The following SLC26A3 variants were observed in gnomAD, a reference collection of about 807,000 sequenced individuals.
SLC26A3 encodes the protein solute carrier family 26 member 3.
In SLC26A3, 64 loss-of-function variants were observed where a neutral mutation model predicts 85.6. That is an observed-to-expected ratio of 0.75 (90% confidence interval 0.61 to 0.92). The LOEUF (loss-of-function observed/expected upper bound fraction) is 0.92. SLC26A3 is among the 40% of genes least tolerant of loss of function. SLC26A3 has a pLI of 0.00. For missense variants in SLC26A3, 922 were observed against 927.3 expected (o/e 0.99, Z 0.07); for synonymous variants, 349 against 336.0 (o/e 1.04, Z -0.42).
rs769410426 is a variant in SLC26A3, at chr7:107,787,493, A to T, written c.752T>A (p.Phe251Tyr). The T allele has an allele frequency of 3.1e-6, 5 of 1,613,636 alleles. No homozygotes were observed. In the South Asian group the frequency reaches 5.5e-5, roughly 18 times the overall value. The change falls in exon 7 of 21, where the codon TTC (phenylalanine) becomes TAC (tyrosine). Residue 251 changes from phenylalanine to tyrosine, a missense_variant. Coordinates refer to ENST00000340010, the MANE Select transcript of SLC26A3 (RefSeq NM_000111.3). ...AATATTAGTCTTCTCTATTTGTGAG[A>T]ATACAGAGTATAGTACCTACAATTA... is the stretch of plus-strand genomic sequence containing the variant. ...VSIFKVLYSV[F>Y]SQIEKTNIAD... is the part of the protein sequence containing the mutation.
intron 3 of SLC26A3, among the ~76,000 whole-genome samples, chr7:107,792,224 G>A (rs914824618): frequency 6.6e-6 from 1 of 152,178 alleles, no homozygotes; most frequent in Non-Finnish European, 1.5e-5. Context: ...TGGTTTTGTG[G>A]AAGGTAATTT....
intron 7 of SLC26A3, 96 bp from the exon 8 acceptor site, chr7:107,787,005 T>G: frequency 9.6e-7 from 1 of 1,039,874 alleles, no homozygotes; most frequent in Non-Finnish European, 1.5e-6. Flanking sequence ...CTTCTGTACC[T>G]GTTAAGTAAG....
At chr7:107,773,113 C>T (rs1382040211) in intron 17 of SLC26A3, among the ~76,000 whole-genome samples, 1 of 152,146 alleles carries the variant, frequency 6.6e-6, no homozygotes, top group Non-Finnish European at 1.5e-5. Flanking sequence ...AAACACACTG[C>T]AATCTGATTG....
At position 107,773,632 on chromosome 7, in the gene SLC26A3, T is replaced by C. The variant is rs1794061180; in HGVS notation, c.2007+288A>G. ...GTGGTGCAATTTCGGCTCACTGCAATTGCCACCTCCCAGGTTCAAGCTATT... is the reference window on the plus strand; with the variant it reads ...GTGGTGCAATTTCGGCTCACTGCAACTGCCACCTCCCAGGTTCAAGCTATT... On this transcript the variant is annotated intron_variant, in intron 17 of 20. Transcript: ENST00000340010. Among the ~76,000 whole-genome samples, 4 of 152,304 alleles carry C rather than the reference T, an allele frequency of 2.6e-5. No homozygotes were observed. In the South Asian group the frequency reaches 8.3e-4, roughly 32 times the overall value.
At position 107,794,367 on chromosome 7, in the gene SLC26A3, A is replaced by T; in HGVS notation, c.131+12T>A. On this transcript the variant is annotated intron_variant, in intron 2 of 20. Coordinates refer to ENST00000340010, the MANE Select transcript of SLC26A3 (RefSeq NM_000111.3). ...TGTATTCCTAATGCCAATACCTTAA[A>T]AAATATCTTACCTACAACACACTTT... 3 of 1,613,814 alleles carry T rather than the reference A, an allele frequency of 1.9e-6. No individual in the cohort carries two copies. Among genetic ancestry groups the T allele is most frequent in the Non-Finnish European group, 2.5e-6 (3 of 1,179,834 alleles).
chr7:107,766,640 G>C (rs1314743711), intron 20 of SLC26A3, among the ~76,000 whole-genome samples: 1 of 152,038 alleles, frequency 6.6e-6, no homozygotes, highest in Non-Finnish European at 1.5e-5. Flanking sequence ...ATTTTGACTA[G>C]AAATTCCTTT....
intron 1 of SLC26A3, among the ~76,000 whole-genome samples, chr7:107,800,516 T>C (rs1794581272): frequency 6.6e-6 from 1 of 152,274 alleles, no homozygotes; most frequent in Admixed American, 6.5e-5. Flanking sequence ...TTCTTGTAAG[T>C]ACCTTGTATA....
Position 107,773,782 on chromosome 7 carries a change from C to T in SLC26A3, c.2007+138G>A. ...GCCAGGCTGGTCTCGAAGTCCTGAC[C>T]TCAGGTGATCCACCCACCTCGGCCT... On this transcript the variant is annotated intron_variant, in intron 17 of 20. Coordinates refer to ENST00000340010, the MANE Select transcript of SLC26A3 (RefSeq NM_000111.3). 4.1e-6 allele frequency: 3 copies of T among 726,230 alleles called. No homozygotes were observed. The South Asian group carries it at 4.6e-5, about 11-fold the overall frequency. 45.0% of individuals were successfully genotyped at this position (726,230 alleles called of 1,614,324 possible).
At position 107,776,684 on chromosome 7, in the gene SLC26A3, T is replaced by C. The variant is rs1286525771; in HGVS notation, c.1537A>G (p.Asn513Asp). Residue 513 changes from asparagine to aspartate, a missense_variant, in exon 14 of 21, where the codon AAT (asparagine) becomes GAT (aspartate). Physicochemically the swap from Asn to Asp is conservative, Grantham distance 23. Transcript: ENST00000340010. ...TQFPKCSTLA[N>D]IGRTNIYKNK... ...TTATAGATGTTGGTTCTTCCAATAT[T>C]AGCCAGCGTGCTGCATTTTGGACTG... The C allele has an allele frequency of 3.7e-6, 6 of 1,613,806 alleles. No individual in the cohort carries two copies. The highest frequency in any genetic ancestry group is 5.1e-6 in the Non-Finnish European group (6 of 1,179,926).
At chr7:107,782,772 A>C in intron 11 of SLC26A3, 25 bp downstream of exon 11, 1 of 1,604,508 alleles carries the variant, frequency 6.2e-7, no homozygotes, top group South Asian at 1.1e-5. Context: ...CTAAAAGTAG[A>C]GATGCTATCC....
Position 107,773,931 on chromosome 7 carries a change from C to A in SLC26A3, c.1996G>T (p.Gly666Cys). The change falls in exon 17 of 21, where the codon GGC becomes TGC. Residue 666 changes from glycine (G) to cysteine (C), a missense_variant. Coordinates refer to ENST00000340010, the MANE Select transcript of SLC26A3 (RefSeq NM_000111.3). ...AACAAAGAAATTACCGATTTAAGGC[C>A]CCTCACTGAAGAAACATCAAGAAAG... ...VSFLDVSSVR[G>C]LKSILQEFIR... is the part of the protein sequence containing the mutation. The A allele has an allele frequency of 3.1e-6, 5 of 1,612,422 alleles. No homozygotes were observed. Among genetic ancestry groups the A allele is most frequent in the Non-Finnish European group, 4.2e-6 (5 of 1,178,544 alleles).
intron 15 of SLC26A3, chr7:107,776,195 T>C: frequency 2.0e-6 from 1 of 497,242 alleles, no homozygotes; most frequent in East Asian, 3.6e-5. Flanking sequence ...GGTAAATTTC[T>C]TTTACTCTAC....
intron 11 of SLC26A3, among the ~76,000 whole-genome samples, chr7:107,780,364 GTA>G (rs1019489533): frequency 7.2e-5 from 11 of 152,198 alleles, no homozygotes; most frequent in African/African-American, 2.4e-4. Flanking sequence ...TCCCAGGCCA[GTA>G]CTAATCCCTA....
Position 107,793,781 on chromosome 7 carries a change from C to T in SLC26A3, c.232G>A (p.Val78Ile). The T allele has an allele frequency of 6.2e-7, 1 of 1,614,114 alleles. No individual in the cohort carries two copies. The change falls in exon 3 of 21, where the codon GTT becomes ATT. Residue 78 changes from valine (V) to isoleucine (I), a missense_variant. Coordinates refer to ENST00000340010, the MANE Select transcript of SLC26A3 (RefSeq NM_000111.3). ...RLKEWLLSDI[V>I]SGISTGIVAV... ...ACAATCCCTGTGCTGATACCAGAAA[C>T]AATATCACTGAGCAACCATTCTTTA...
At chr7:107,800,911 G>A (rs1032480711) in intron 1 of SLC26A3, among the ~76,000 whole-genome samples, 7 of 152,222 alleles carry the variant, frequency 4.6e-5, no homozygotes, top group African/African-American at 1.4e-4. Context: ...AGCAAATCAT[G>A]TGAAAGGTTA....
In SLC26A3 at chr7:107,783,465, G is replaced by C. The variant is rs181941492; in HGVS notation, c.972-113C>G. The C allele has an allele frequency of 1.4e-5, 18 of 1,277,862 alleles. 1 individual carries two copies. The Admixed American group carries it at 2.1e-4, about 15-fold the overall frequency. The allele number at this position is 1,277,862 out of a possible 1,614,324, so 79.2% of individuals were successfully genotyped here. A position where few individuals can be genotyped will look rare whatever the true frequency, so the allele number is the denominator to read the frequency against. On this transcript the variant is annotated intron_variant, in intron 8 of 20. Transcript: ENST00000340010. Reference sequence around the variant, plus strand: ...CTAGGCTGAGTTGTGTCTCACTTTGGAGTATGATTAACGAGAATTTAGCTC... The same window carrying C: ...CTAGGCTGAGTTGTGTCTCACTTTGCAGTATGATTAACGAGAATTTAGCTC...
intron 8 of SLC26A3, among the ~76,000 whole-genome samples, chr7:107,784,496 T>C (rs772385973): frequency 2.0e-5 from 3 of 152,022 alleles, no homozygotes; most frequent in African/African-American, 4.8e-5. Context: ...CAGGCTGGAG[T>C]GCACAGCTCA....
chr7:107,790,311 C>T (rs985512714), intron 5 of SLC26A3, among the ~76,000 whole-genome samples: 1 of 152,174 alleles, frequency 6.6e-6, no homozygotes, highest in East Asian at 1.9e-4. Context: ...CAGAACGCAG[C>T]CAGAGCTGTG....
At chr7:107,799,784 T>C (rs1427144759) in intron 1 of SLC26A3, among the ~76,000 whole-genome samples, 1 of 152,240 alleles carries the variant, frequency 6.6e-6, no homozygotes, top group Non-Finnish European at 1.5e-5. Flanking sequence ...GGAGACTTCT[T>C]AGCCTTAAGT....
Sources: allele counts gnomAD v4.1 joint callset (sites outside exome capture counted in the v4.1 genomes callset), GRCh38; gene constraint gnomAD v4.1.1; transcripts MANE v1.5; gene names NCBI Gene and HGNC (gene_info 2026-07-23, HGNC 2026-07-21).